The following CDCA7L variants were observed in gnomAD, a reference collection of about 807,000 sequenced individuals.
CDCA7L encodes the protein cell division cycle associated 7 like.
In CDCA7L, 44 loss-of-function variants were observed where a neutral mutation model predicts 57.4. The ratio of observed to expected loss-of-function variants is 0.77; its 90% CI spans 0.60 to 0.98. The LOEUF is 0.98. CDCA7L is among the 50% of genes least tolerant of loss of function. CDCA7L has a pLI of 0.00. For missense variants in CDCA7L, 644 were observed against 580.6 expected (o/e 1.11, Z -1.12); for synonymous variants, 236 against 202.8 (o/e 1.16, Z -1.39).
intron 2 of CDCA7L, among the ~76,000 whole-genome samples, chr7:21,914,152 G>C (rs1785412599): frequency 6.6e-6 from 1 of 152,226 alleles, no homozygotes; most frequent in African/African-American, 2.4e-5. Flanking sequence ...AAACAGACCA[G>C]AGAGCAATGG....
chr7:21,916,477 C>A (rs1454209091), intron 2 of CDCA7L, among the ~76,000 whole-genome samples: 2 of 136,020 alleles, frequency 1.5e-5, no homozygotes, highest in African/African-American at 5.6e-5. Context: ...CCAAGGCAGC[C>A]AAGAAAATGC....
chr7:21,904,275 AG>A lies in CDCA7L; in HGVS notation c.1048-17del, dbSNP rs1214331654. ...ACGTGTTACCCTACAGGGGGAAGGCAGTGAGCAGGTGAACACAGGGATATGC... is the reference window on the plus strand; with the variant it reads ...ACGTGTTACCCTACAGGGGGAAGGCATGAGCAGGTGAACACAGGGATATGC... On this transcript the variant is annotated splice_polypyrimidine_tract_variant and intron_variant, in intron 7 of 9. Coordinates refer to ENST00000406877, the MANE Select transcript of CDCA7L (RefSeq NM_018719.5). The A allele has an allele frequency of 6.3e-7, 1 of 1,585,188 alleles. No individual in the cohort carries two copies. The highest frequency in any genetic ancestry group is 1.3e-5 in the African/African-American group (1 of 74,152).
At chr7:21,930,455 G>A (rs1208320243) in intron 1 of CDCA7L, among the ~76,000 whole-genome samples, 1 of 152,046 alleles carries the variant, frequency 6.6e-6, no homozygotes, top group African/African-American at 2.4e-5. Flanking sequence ...CTAGCACTTT[G>A]GGAGGCCGAG....
rs113348939 is a variant in CDCA7L at position 21,907,263 on chromosome 7, T to C, written c.682-624A>G. On this transcript the variant is annotated intron_variant, in intron 4 of 9. Transcript: ENST00000406877. Reference sequence around the variant, plus strand: ...AAATAGCTTATTTTAAAGATGCAGATGGATACAGTGCTGAAAATTTCCCTT... The same window carrying C: ...AAATAGCTTATTTTAAAGATGCAGACGGATACAGTGCTGAAAATTTCCCTT... Among the ~76,000 whole-genome samples the C allele has an allele frequency of 2.2e-3, 330 of 152,352 alleles. 2 individuals are homozygous for C. The highest frequency in any genetic ancestry group is 7.7e-3 in the African/African-American group (321 of 41,590).
Position 21,908,530 on chromosome 7 carries a change from A to C in CDCA7L, c.304-23T>G, listed in dbSNP as rs543881067. ...GACCTAATAAAATAAGAGCAAGAAA[A>C]AGCACAAAGACACTGTTACAGACCC... On this transcript the variant is annotated intron_variant, in intron 3 of 9. Transcript: ENST00000406877. 15 of 1,498,210 alleles carry C rather than the reference A, an allele frequency of 1.0e-5. No individual in the cohort carries two copies. The African/African-American group carries it at 1.7e-4, about 17-fold the overall frequency. 92.8% of individuals were successfully genotyped at this position (1,498,210 alleles called of 1,614,324 possible). A position where few individuals can be genotyped will look rare whatever the true frequency, so the allele number is the denominator to read the frequency against.
In CDCA7L at chr7:21,902,086, A is replaced by AAAATATCTGC. The variant is rs1784907547; in HGVS notation, c.*235_*236insGCAGATATTT. 1.4e-5 allele frequency: 7 copies of AAAATATCTGC among 516,012 alleles called. No individual in the cohort carries two copies. Among genetic ancestry groups the AAAATATCTGC allele is most frequent in the African/African-American group, 1.9e-5 (1 of 52,650 alleles). 32.0% of individuals were successfully genotyped at this position (516,012 alleles called of 1,614,324 possible). ...TTTTAATAACTGGCAGATATTTTTA[A>AAAATATCTGC]CAAAGTTCAGCATACAGACAGGTCT... is the stretch of plus-strand genomic sequence containing the variant. On this transcript the variant is annotated 3_prime_UTR_variant, in exon 10 of 10. Transcript: ENST00000406877.
chr7:21,903,240 C>G (rs1785000395), intron 8 of CDCA7L, 126 bp from the exon 9 acceptor site: 2 of 883,050 alleles, frequency 2.3e-6, no homozygotes, highest in East Asian at 2.7e-5. Context: ...ATCTTTCAGT[C>G]TACGTCCCAG....
intron 4 of CDCA7L, among the ~76,000 whole-genome samples, chr7:21,907,654 A>C (rs1785181074): frequency 6.6e-6 from 1 of 152,216 alleles, no homozygotes; most frequent in Admixed American, 6.5e-5. Context: ...TTTAATTCCT[A>C]GACCTCTTCC....
At position 21,901,219 on chromosome 7, in the gene CDCA7L, G is replaced by C; in HGVS notation, c.*1103C>G. 6.2e-7 allele frequency: 1 copy of C among 1,613,792 alleles called. No homozygotes were observed. Among genetic ancestry groups the C allele is most frequent in the Non-Finnish European group, 8.5e-7 (1 of 1,179,782 alleles). ...GAGCGAAGAGAAGACTGCAAAATGGGTTCTGGCTGGAGTGGCTCTGCTTCT... is the reference window on the plus strand; with the variant it reads ...GAGCGAAGAGAAGACTGCAAAATGGCTTCTGGCTGGAGTGGCTCTGCTTCT... On this transcript the variant is annotated 3_prime_UTR_variant, in exon 10 of 10. Transcript: ENST00000406877.
chr7:21,901,539 C>A lies in CDCA7L; in HGVS notation c.*783G>T, dbSNP rs2128054011. ...AGCCGAGGTTGCACCACTGCACTCC[C>A]TCCTGGGCAACAGAACAAGACTCCA... On this transcript the variant is annotated 3_prime_UTR_variant, in exon 10 of 10. Coordinates refer to ENST00000406877, the MANE Select transcript of CDCA7L (RefSeq NM_018719.5). 4.1e-6 allele frequency: 1 copy of A among 244,040 alleles called. No individual in the cohort carries two copies. Among genetic ancestry groups the A allele is most frequent in the Non-Finnish European group, 7.7e-6 (1 of 129,138 alleles). The allele number at this position is 244,040 out of a possible 1,614,324, so 15.1% of individuals were successfully genotyped here.
chr7:21,915,341 T>C (rs1476167982), intron 2 of CDCA7L, among the ~76,000 whole-genome samples: 1 of 152,014 alleles, frequency 6.6e-6, no homozygotes. Flanking sequence ...CAACTGGTAG[T>C]CAGAAACCAC....
At chr7:21,928,301 T>C (rs1468309607) in intron 1 of CDCA7L, among the ~76,000 whole-genome samples, 1 of 151,844 alleles carries the variant, frequency 6.6e-6, no homozygotes, top group Non-Finnish European at 1.5e-5. Flanking sequence ...CATCCGAAGG[T>C]CACCAACATC....
chr7:21,905,046 C>T (rs1023137056), intron 7 of CDCA7L, among the ~76,000 whole-genome samples: 2 of 151,996 alleles, frequency 1.3e-5, no homozygotes, highest in South Asian at 2.1e-4. Flanking sequence ...GACAGTGTCC[C>T]GTTACATATC....
At chr7:21,920,299 G>C (rs1360286429) in intron 1 of CDCA7L, among the ~76,000 whole-genome samples, 2 of 152,220 alleles carry the variant, frequency 1.3e-5, no homozygotes, top group Non-Finnish European at 2.9e-5. Context: ...ATACAGAGTT[G>C]TGTATTCAAA....
Position 21,908,213 on chromosome 7 carries a change from CAGACTCAGAGGT to C in CDCA7L, c.586_597del (p.Thr196_Ser199del). On this transcript the variant is annotated inframe_deletion, in exon 4 of 10. Transcript: ENST00000406877. ...TGGCTCTCATCCCGAGAGTCATCCTCAGACTCAGAGGTAGAATCTTCCCTTTGTATCACCTGT... is the reference window on the plus strand; with the variant it reads ...TGGCTCTCATCCCGAGAGTCATCCTCAGAATCTTCCCTTTGTATCACCTGT... 1 of 1,611,882 alleles carries C rather than the reference CAGACTCAGAGGT, an allele frequency of 6.2e-7. No homozygotes were observed. Among genetic ancestry groups the C allele is most frequent in the Non-Finnish European group, 8.5e-7 (1 of 1,179,592 alleles).
chr7:21,916,974 A>C, intron 1 of CDCA7L, 80 bp from the exon 2 acceptor site: 2 of 1,519,788 alleles, frequency 1.3e-6, no homozygotes, highest in Non-Finnish European at 1.8e-6. Context: ...AGGGGAGGAG[A>C]GATCTCATCA....
At chr7:21,931,454 G>T (rs965611476) in intron 1 of CDCA7L, among the ~76,000 whole-genome samples, 2 of 152,188 alleles carry the variant, frequency 1.3e-5, no homozygotes, top group African/African-American at 4.8e-5. Flanking sequence ...TCATCCCTGG[G>T]ATGCAAGGCT....
At chr7:21,905,352 C>T (rs1459362996) in intron 7 of CDCA7L, among the ~76,000 whole-genome samples, 154 bp downstream of exon 7, 2 of 152,172 alleles carry the variant, frequency 1.3e-5, no homozygotes, top group African/African-American at 2.4e-5. Context: ...CCTCCCCTTT[C>T]CCAGGTACAG....
Position 21,902,322 on chromosome 7 carries a change from T to TTAATTGTCTTC in CDCA7L, c.1354_1364dup (p.Ter455=), listed in dbSNP as rs1359629175. On this transcript the variant is annotated frameshift_variant and stop_retained_variant, in exon 10 of 10. Transcript: ENST00000406877. LOFTEE classifies it high-confidence loss of function. ...GTGGCTGGTTCTGTTTGTTTTCCTC[T>TTAATTGTCTTC]TAATTGTCTTCTACCAGCTCCTTTT... The TTAATTGTCTTC allele has an allele frequency of 6.2e-7, 1 of 1,613,888 alleles. No individual in the cohort carries two copies. Among genetic ancestry groups the TTAATTGTCTTC allele is most frequent in the Non-Finnish European group, 8.5e-7 (1 of 1,179,760 alleles).
Sources: gnomAD v4.1 joint callset for allele counts (sites outside exome capture counted in the v4.1 genomes callset) on GRCh38, gnomAD v4.1.1 for gene constraint, MANE v1.5 for transcripts, NCBI Gene and HGNC (gene_info 2026-07-23, HGNC 2026-07-21) for gene names.